The following SMAGP variants were observed in gnomAD, a reference collection of about 807,000 sequenced individuals.
The protein encoded by SMAGP is small cell transmembrane and glycosylated protein.
In SMAGP, 7 loss-of-function variants were observed where a neutral mutation model predicts 10.1. The ratio of observed to expected loss-of-function variants is 0.70; its 90% CI spans 0.40 to 1.31. The LOEUF (loss-of-function observed/expected upper bound fraction) is 1.31. SMAGP is among the 50% of genes most tolerant of loss of function. SMAGP has a pLI of 0.01. For synonymous variants in SMAGP, 49 were observed against 47.2 expected (o/e 1.04, Z -0.16); for missense variants, 113 against 116.5 (o/e 0.97, Z 0.14).
At chr12:51,263,969 C>T (rs1944951057) in intron 2 of SMAGP, among the ~76,000 whole-genome samples, 1 of 152,026 alleles carries the variant, frequency 6.6e-6, no homozygotes, top group African/African-American at 2.4e-5. Flanking sequence ...TTCTTCCTTA[C>T]ACTGATGCAG....
At chr12:51,246,630 G>GTGTGTT in intron 3 of SMAGP, 121 bp downstream of exon 3, 1 of 609,286 alleles carries the variant, frequency 1.6e-6, no homozygotes, top group Non-Finnish European at 2.8e-6. Flanking sequence ...GTGTGTGTGT[G>GTGTGTT]TGTGTGTGTA....
intron 2 of SMAGP, among the ~76,000 whole-genome samples, chr12:51,249,253 T>C (rs147667851): frequency 5.1e-3 from 769 of 152,252 alleles, no homozygotes; most frequent in African/African-American, 5.6e-3. Context: ...AGTAAACACA[T>C]TGTTTCCCTG....
intron 2 of SMAGP, among the ~76,000 whole-genome samples, chr12:51,263,056 T>G (rs1565660403): frequency 6.6e-6 from 1 of 152,180 alleles, no homozygotes; most frequent in Non-Finnish European, 1.5e-5. Context: ...ATCCTGCCTC[T>G]GCCATTACTA....
chr12:51,249,199 CAT>C (rs1273894792), intron 2 of SMAGP, among the ~76,000 whole-genome samples: 3 of 152,230 alleles, frequency 2.0e-5, no homozygotes, highest in African/African-American at 7.2e-5. Flanking sequence ...TCACCCTACA[CAT>C]GTCCTCATTT....
chr12:51,252,293 A>G (rs1296292627), intron 2 of SMAGP, among the ~76,000 whole-genome samples: 1 of 150,074 alleles, frequency 6.7e-6, no homozygotes, highest in East Asian at 2.0e-4. Context: ...ACGGGGTTTC[A>G]CCATATTAGC....
intron 2 of SMAGP, among the ~76,000 whole-genome samples, chr12:51,257,116 G>A (rs1944892416): frequency 6.6e-6 from 1 of 152,194 alleles, no homozygotes; most frequent in Admixed American, 6.5e-5. Context: ...GAAAGGCTGT[G>A]ACTGGAGGGG....
intron 2 of SMAGP, among the ~76,000 whole-genome samples, chr12:51,266,748 C>T (rs953691584): frequency 6.6e-6 from 1 of 152,098 alleles, no homozygotes; most frequent in Admixed American, 6.6e-5. Context: ...TGTGGATAAG[C>T]GGGGACTACT....
intron 2 of SMAGP, among the ~76,000 whole-genome samples, chr12:51,265,189 T>C (rs1944964041): frequency 6.6e-6 from 1 of 152,106 alleles, no homozygotes; most frequent in Non-Finnish European, 1.5e-5. Flanking sequence ...ACACACAATA[T>C]GATGACTACC....
chr12:51,254,555 A>AT (rs1311740726), intron 2 of SMAGP, among the ~76,000 whole-genome samples: 2 of 151,952 alleles, frequency 1.3e-5, no homozygotes, highest in Non-Finnish European at 2.9e-5. Flanking sequence ...TAAAAAAAAA[A>AT]GTAAAAATAA....
intron 2 of SMAGP, among the ~76,000 whole-genome samples, chr12:51,259,455 A>G (rs1425676469): frequency 6.6e-6 from 1 of 152,168 alleles, no homozygotes; most frequent in African/African-American, 2.4e-5. Flanking sequence ...AGGGGCAACT[A>G]GTAAACTGAT....
At chr12:51,260,780 G>T (rs1340488361) in intron 2 of SMAGP, among the ~76,000 whole-genome samples, 1 of 146,830 alleles carries the variant, frequency 6.8e-6, no homozygotes, top group African/African-American at 2.5e-5. Context: ...CTGCCTCCTG[G>T]GTTCAAGCGA....
intron 2 of SMAGP, among the ~76,000 whole-genome samples, chr12:51,253,085 T>C (rs1326949657): frequency 1.3e-5 from 2 of 152,132 alleles, no homozygotes; most frequent in African/African-American, 4.8e-5. Flanking sequence ...GAGCTTGATG[T>C]GACTCCCCAG....
intron 3 of SMAGP, chr12:51,246,454 CT>C (rs1944770699): frequency 2.3e-6 from 1 of 428,274 alleles, no homozygotes. Flanking sequence ...GATCCTCCCC[CT>C]CTTCCTCACC....
At chr12:51,249,632 T>C (rs1944816897) in intron 2 of SMAGP, among the ~76,000 whole-genome samples, 1 of 152,114 alleles carries the variant, frequency 6.6e-6, no homozygotes, top group Non-Finnish European at 1.5e-5. Flanking sequence ...CATTTTTTTT[T>C]TTTAAGATGG....
At chr12:51,268,586 T>TCCTCCCTCCTCCCTCCTCCCTC (rs57975745) in intron 2 of SMAGP, among the ~76,000 whole-genome samples, 1 of 138,010 alleles carries the variant, frequency 7.2e-6, no homozygotes, top group South Asian at 2.4e-4. Flanking sequence ...TCCTTTCCTT[T>TCCTCCCTCCTCCCTCCTCCCTC]CCTCCCTCCC....
intron 2 of SMAGP, among the ~76,000 whole-genome samples, chr12:51,265,623 T>C (rs879453017): frequency 6.6e-6 from 1 of 152,220 alleles, no homozygotes; most frequent in Non-Finnish European, 1.5e-5. Flanking sequence ...AAAAGGTCTA[T>C]TGTATGATTC....
chr12:51,247,530 A>C (rs1592230920), intron 2 of SMAGP, among the ~76,000 whole-genome samples: 1 of 152,270 alleles, frequency 6.6e-6, no homozygotes, highest in East Asian at 1.9e-4. Flanking sequence ...CCCACCCTAA[A>C]GTCATTACCC....
intron 3 of SMAGP, chr12:51,246,353 C>G: frequency 1.8e-6 from 1 of 547,812 alleles, no homozygotes; most frequent in Non-Finnish European, 3.1e-6. Flanking sequence ...TCTGACAAAA[C>G]TGAACTGCCT....
At position 51,245,749 on chromosome 12, in the gene SMAGP, T is replaced by C; in HGVS notation, c.*192A>G. On this transcript the variant is annotated 3_prime_UTR_variant, in exon 4 of 4. Coordinates refer to ENST00000603798, the MANE Select transcript of SMAGP (RefSeq NM_001031628.2). The stretch of plus-strand genomic sequence containing the variant: ...TAAGAGGGCCTGGTTAAAGATATCA[T>C]AAACAGCTTTCTCCATGTCCCTGGT... The C allele has an allele frequency of 6.8e-6, 4 of 584,784 alleles. No homozygotes were observed. The highest frequency in any genetic ancestry group is 1.2e-5 in the Non-Finnish European group (4 of 334,896). 36.2% of individuals were successfully genotyped at this position (584,784 alleles called of 1,614,324 possible). A position where few individuals can be genotyped will look rare whatever the true frequency, so the allele number is the denominator to read the frequency against.
Sources: gnomAD v4.1 joint callset for allele counts (sites outside exome capture counted in the v4.1 genomes callset) on GRCh38, gnomAD v4.1.1 for gene constraint, MANE v1.5 for transcripts, NCBI Gene and HGNC (gene_info 2026-07-23, HGNC 2026-07-21) for gene names.